Variants in GSE1 observed in about 807,000 individuals in gnomAD.
GSE1 encodes the protein genetic suppressor element 1.
In GSE1, 32 loss-of-function variants were observed where a neutral mutation model predicts 112.6. The observed-to-expected ratio is 0.28, with a 90% CI of 0.21 to 0.38. The LOEUF (loss-of-function observed/expected upper bound fraction) is 0.38. GSE1 is among the 10% of genes least tolerant of loss of function. GSE1 has a pLI of 1.00. For missense variants in GSE1, 2,348 were observed against 1,699.2 expected, an observed-to-expected ratio of 1.38 and a Z score of -6.71; for synonymous variants, 1,115 against 735.6, an observed-to-expected ratio of 1.52 and a Z score of -8.35.
intron 2 of GSE1, among the ~76,000 whole-genome samples, chr16:85,449,784 C>T (rs572489517): frequency 6.6e-6 from 1 of 152,214 alleles, no homozygotes; most frequent in Non-Finnish European, 1.5e-5. Flanking sequence ...TTCTCTGATC[C>T]TGTCTCCTGC....
Position 85,311,139 on chromosome 16 carries a change from G to A in GSE1, c.2284-46324G>A, listed in dbSNP as rs916588514. Among the ~76,000 whole-genome samples, 11 of 152,222 alleles carry A rather than the reference G, an allele frequency of 7.2e-5. 1 individual carries two copies. The highest frequency in any genetic ancestry group is 1.3e-4 in the Non-Finnish European group (9 of 68,036). ...GGCAGAGGGGAGGGCAGCCTGCTCC[G>A]TGGGCTGGTCCCAAATTCCAGAGGC... On this transcript the variant is annotated intron_variant, in intron 1 of 2. Transcript: ENST00000637419. This position sits in a 1 kb window ranked among gnomAD's most constrained non-coding sequence, Gnocchi z 4.2.
chr16:85,666,705 G>T (rs1018875353), intron 13 of GSE1: 2 of 257,970 alleles, frequency 7.8e-6, no homozygotes, highest in Admixed American at 5.1e-5. Context: ...ATTTTTACCC[G>T]CATTCATTTG....
intron 1 of GSE1, among the ~76,000 whole-genome samples, chr16:85,242,229 T>C (rs7498262): frequency 0.28 from 43,239 of 152,030 alleles, 6,529 homozygotes; most frequent in African/African-American, 0.38. Flanking sequence ...GTCCACAAGC[T>C]TCAGTATCCT....
chr16:85,504,042 C>A (rs936019451), intron 2 of GSE1, among the ~76,000 whole-genome samples: 1 of 152,246 alleles, frequency 6.6e-6, no homozygotes, highest in Non-Finnish European at 1.5e-5. Context: ...ATCCTCCGCC[C>A]GCCCTCTGCC....
exon 1 of GSE1, chr16:85,170,457 G>A: frequency 1.0e-6 from 1 of 985,558 alleles, no homozygotes; most frequent in East Asian, 1.1e-4. Context: ...CGCTGGGGGA[G>A]ACCCTACGGG....
intron 1 of GSE1, among the ~76,000 whole-genome samples, chr16:85,220,386 G>A (rs555296654): frequency 2.0e-5 from 3 of 152,322 alleles, no homozygotes; most frequent in South Asian, 2.1e-4. Context: ...GCGAGCGGGC[G>A]GCGGCGCAGA....
At chr16:85,345,460 A>G (rs1453937795) in intron 1 of GSE1, among the ~76,000 whole-genome samples, 4 of 152,256 alleles carry the variant, frequency 2.6e-5, no homozygotes, top group African/African-American at 7.2e-5. Flanking sequence ...CCTCTGGGCC[A>G]TTGCGCTTGC....
At chr16:85,351,653 G>A (rs562305360) in intron 1 of GSE1, among the ~76,000 whole-genome samples, 13 of 152,294 alleles carry the variant, frequency 8.5e-5, no homozygotes, top group East Asian at 1.9e-4. Context: ...TTTAATGGGC[G>A]AATTGTATAG....
chr16:85,259,256 C>T (rs561408182), intron 1 of GSE1, among the ~76,000 whole-genome samples: 2 of 152,230 alleles, frequency 1.3e-5, no homozygotes, highest in African/African-American at 2.4e-5. Context: ...CTATGTGCAG[C>T]CCCCGTCCTG....
intron 1 of GSE1, among the ~76,000 whole-genome samples, chr16:85,570,188 G>A (rs559674912): frequency 6.6e-6 from 1 of 152,198 alleles, no homozygotes. Context: ...CTTCCAAGGT[G>A]GGGGGAGTTC....
intron 1 of GSE1, among the ~76,000 whole-genome samples, chr16:85,613,865 G>A (rs1293478538): frequency 6.7e-6 from 1 of 148,738 alleles, no homozygotes; most frequent in Non-Finnish European, 1.5e-5. Context: ...GGTGTGGGGG[G>A]GGGGGGTGCT....
chr16:85,481,816 A>G (rs2050689025), intron 2 of GSE1, among the ~76,000 whole-genome samples: 1 of 152,196 alleles, frequency 6.6e-6, no homozygotes. Context: ...CTGTGAGACC[A>G]TGTTTTGGGG....
At chr16:85,490,617 G>A (rs1418330788) in intron 2 of GSE1, 3 of 152,220 alleles carry the variant, frequency 2.0e-5, no homozygotes, top group Non-Finnish European at 4.4e-5. Flanking sequence ...GGCACCCCGA[G>A]TGGAGGCGGC....
Position 85,600,884 on chromosome 16 carries a change from G to C in GSE1, c.37+44521G>C, listed in dbSNP as rs187971459. 4.0e-3 allele frequency among the ~76,000 whole-genome samples: 604 copies of C among 152,234 alleles called. 11 individuals are homozygous for C. Among genetic ancestry groups the C allele is most frequent in the Non-Finnish European group, 1.0e-3 (71 of 68,026 alleles). On this transcript the variant is annotated intron_variant, in intron 1 of 2. Coordinates refer to the GSE1 transcript ENST00000635906. The stretch of plus-strand genomic sequence containing the variant: ...GATGAGGGTTTGTGTCCTCCTAGGG[G>C]CTTCTTGATTTCATTTAGCTCAGTC...
At chr16:85,170,408 C>T (rs1032122347) in exon 1 of GSE1, 2 of 985,430 alleles carry the variant, frequency 2.0e-6, no homozygotes, top group Non-Finnish European at 2.4e-6. Context: ...ATGAAAGGGC[C>T]TCCCTCTGGC....
At chr16:85,212,119 C>A (rs976993816) in intron 1 of GSE1, among the ~76,000 whole-genome samples, 1 of 152,194 alleles carries the variant, frequency 6.6e-6, no homozygotes, top group Admixed American at 6.5e-5. Flanking sequence ...AATAATTGGG[C>A]TAGAAGCCGG....
chr16:85,666,434 A>C (rs2052866764), intron 13 of GSE1, 87 bp downstream of exon 13: 2 of 1,294,150 alleles, frequency 1.5e-6, no homozygotes, highest in African/African-American at 3.0e-5. Context: ...TCAGCCGTTC[A>C]GCCGTGGGCA....
chr16:85,305,372 A>T (rs970686653), intron 1 of GSE1, among the ~76,000 whole-genome samples: 1 of 151,750 alleles, frequency 6.6e-6, no homozygotes, highest in African/African-American at 2.4e-5. Context: ...GCAGCCTCGA[A>T]CTCCTGGGCC....
intron 2 of GSE1, among the ~76,000 whole-genome samples, chr16:85,525,056 C>G (rs1232742814): frequency 6.6e-6 from 1 of 152,192 alleles, no homozygotes; most frequent in Non-Finnish European, 1.5e-5. Flanking sequence ...CTGCTGCAAT[C>G]GGCCCTCGTG....
Sources: gnomAD v4.1 joint callset for allele counts (sites outside exome capture counted in the v4.1 genomes callset) on GRCh38, gnomAD v4.1.1 for gene constraint, Gnocchi (gnomAD v3.1) non-coding constraint, MANE v1.5 for transcripts, NCBI Gene and HGNC (gene_info 2026-07-23, HGNC 2026-07-21) for gene names.